The following GGT7 variants were observed in gnomAD, a reference collection of about 807,000 sequenced individuals.
GGT7 encodes the protein glutathione hydrolase 7.
Under a neutral mutation model 69.2 loss-of-function variants are expected in GGT7, and 30 were observed. The ratio of observed to expected loss-of-function variants is 0.43; its 90% CI spans 0.32 to 0.59. The LOEUF (loss-of-function observed/expected upper bound fraction) is 0.59. GGT7 is among the 20% of genes least tolerant of loss of function. The pLI is 0.05. For missense variants in GGT7, 733 were observed against 901.1 expected, an observed-to-expected ratio of 0.81 and a Z score of 2.39; for synonymous variants, 388 against 391.8, an observed-to-expected ratio of 0.99 and a Z score of 0.12.
intron 6 of GGT7, 45 bp from the exon 7 acceptor site, chr20:34,859,684 T>C (rs767011366): frequency 6.8e-7 from 1 of 1,466,796 alleles, no homozygotes; most frequent in Admixed American, 2.1e-5. Flanking sequence ...ACGCCAGGAC[T>C]GGACCGGATG....
chr20:34,854,149 C>G (rs996847070), intron 10 of GGT7, among the ~76,000 whole-genome samples: 1 of 152,178 alleles, frequency 6.6e-6, no homozygotes, highest in Non-Finnish European at 1.5e-5. Flanking sequence ...GTTGGTCAGG[C>G]TGGTCTCAAA....
At chr20:34,871,890 G>A (rs79116438) in intron 1 of GGT7, among the ~76,000 whole-genome samples, 133 of 152,230 alleles carry the variant, frequency 8.7e-4, no homozygotes, top group Non-Finnish European at 1.6e-3. Flanking sequence ...AGAGCTCTTT[G>A]CCCCCAGGTC....
chr20:34,848,611 T>C (rs1479747616), intron 14 of GGT7, among the ~76,000 whole-genome samples: 2 of 152,238 alleles, frequency 1.3e-5, no homozygotes, highest in South Asian at 2.1e-4. Flanking sequence ...CAGGATGTGA[T>C]TGTTGAAGAT....
In GGT7 at chr20:34,854,839, G is replaced by C; in HGVS notation, c.1187C>G (p.Thr396Ser). ...ALNILEGFNL[T>S]SLVSREQALH... The stretch of plus-strand genomic sequence containing the variant: ...AGCCTGTTCTCGGGATACCAGGCTG[G>C]TGAGATTGAAGCCCTCCAGGATGTT... The change falls in exon 9 of 15, where the codon ACC becomes AGC. Residue 396 changes from threonine (T) to serine (S), a missense_variant. By Grantham distance (58) the Thr-to-Ser change is moderately conservative. Transcript: ENST00000336431. 6.2e-7 allele frequency: 1 copy of C among 1,614,142 alleles called. No homozygotes were observed. The highest frequency in any genetic ancestry group is 8.5e-7 in the Non-Finnish European group (1 of 1,179,970).
chr20:34,861,071 C>G lies in GGT7; in HGVS notation c.675+374G>C, dbSNP rs117344889. 7.7e-3 allele frequency among the ~76,000 whole-genome samples: 1,168 copies of G among 152,298 alleles called. 12 individuals carry two copies. The highest frequency in any genetic ancestry group is 0.013 in the Non-Finnish European group (891 of 68,034). On this transcript the variant is annotated intron_variant, in intron 4 of 14. Coordinates refer to ENST00000336431, the MANE Select transcript of GGT7 (RefSeq NM_178026.3). ...GATATCTTCTTTTTCTTTCAGCAGA[C>G]AGTTGGTTTACTTCTGGCAATTCCC...
chr20:34,852,524 G>A lies in GGT7; in HGVS notation c.1334C>T (p.Ala445Val). The A allele has an allele frequency of 6.3e-7, 1 of 1,584,874 alleles. No homozygotes were observed. Among genetic ancestry groups the A allele is most frequent in the Admixed American group, 1.9e-5 (1 of 52,956 alleles). ...GTCATTGATATGGCCCCGGAGGTAG[G>A]CGGCCTCCACCTTGCTGAAAAGACA... ...MDDMLSKVEA[A>V]YLRGHINDSQ... is the part of the protein sequence containing the mutation. Residue 445 changes from alanine (A) to valine (V), a missense_variant, in exon 11 of 15, where the codon GCC (alanine) becomes GTC (valine). By Grantham distance (64) the Ala-to-Val change is moderately conservative (BLOSUM62 0). Transcript: ENST00000336431.
intron 14 of GGT7, 83 bp downstream of exon 14, chr20:34,849,878 G>A: frequency 2.7e-6 from 2 of 750,258 alleles, no homozygotes; most frequent in Non-Finnish European, 4.4e-6. Flanking sequence ...GTTGGTGCTG[G>A]TTGAGGCATG....
rs3138662 is a variant in GGT7 at position 34,855,789 on chromosome 20, C to CTGTG, written c.1103-870_1103-867dup. 3.6e-3 allele frequency among the ~76,000 whole-genome samples: 519 copies of CTGTG among 144,160 alleles called. 5 individuals carry two copies. Among genetic ancestry groups the CTGTG allele is most frequent in the African/African-American group, 0.013 (480 of 38,220 alleles). 94.6% of individuals were successfully genotyped at this position (144,160 alleles called of 152,430 possible). A position where few individuals can be genotyped will look rare whatever the true frequency, so the allele number is the denominator to read the frequency against. ...CGCTACGCTTGTTCTTTTTTCTTTT[C>CTGTG]TGTGTGTGTGTGTGTGTGTGTGTGT... On this transcript the variant is annotated intron_variant, in intron 8 of 14. Transcript: ENST00000336431.
chr20:34,862,698 G>T lies in GGT7; in HGVS notation c.557+116C>A, dbSNP rs112128822. 9 of 986,072 alleles carry T rather than the reference G, an allele frequency of 9.1e-6. No homozygotes were observed. The African/African-American group carries it at 1.3e-4, about 14-fold the overall frequency. The allele number at this position is 986,072 out of a possible 1,614,324, so 61.1% of individuals were successfully genotyped here. The stretch of plus-strand genomic sequence containing the variant: ...GAAATTTGGTGTAGAAAGAGAAAAT[G>T]CAAGGAGTTGGGGCCCAAAAGCCCC... On this transcript the variant is annotated intron_variant, in intron 3 of 14. Transcript: ENST00000336431.
Position 34,863,655 on chromosome 20 carries a change from C to A in GGT7, c.170-107G>T. 1 of 787,646 alleles carries A rather than the reference C, an allele frequency of 1.3e-6. No homozygotes were observed. Among genetic ancestry groups the A allele is most frequent in the Non-Finnish European group, 2.2e-6 (1 of 449,852 alleles). The allele number at this position is 787,646 out of a possible 1,614,324, so 48.8% of individuals were successfully genotyped here. A position where few individuals can be genotyped will look rare whatever the true frequency, so the allele number is the denominator to read the frequency against. On this transcript the variant is annotated intron_variant, in intron 1 of 14. Transcript: ENST00000336431. This position sits in a 1 kb window ranked among gnomAD's most constrained non-coding sequence, Gnocchi z 4.4. ...CCCTGCCCCGCCCCTGCCACACAAT[C>A]CCCGCACTGGCTAGCACTACTCACC...
chr20:34,856,201 T>C (rs2079489019), intron 8 of GGT7, among the ~76,000 whole-genome samples: 2 of 152,204 alleles, frequency 1.3e-5, no homozygotes, highest in African/African-American at 2.4e-5. Context: ...TGGGGCTTGA[T>C]GTGATCTGGC....
chr20:34,846,452 C>T (rs1393581424), intron 14 of GGT7, among the ~76,000 whole-genome samples: 2 of 151,844 alleles, frequency 1.3e-5, no homozygotes, highest in Non-Finnish European at 2.9e-5. Flanking sequence ...AACAGGCTTG[C>T]GCCACCACAC....
intron 1 of GGT7, among the ~76,000 whole-genome samples, chr20:34,866,629 G>C (rs951567345): frequency 1.3e-5 from 2 of 151,646 alleles, no homozygotes; most frequent in African/African-American, 4.9e-5. Flanking sequence ...GCCCAGGCTG[G>C]AGTGCAGTGG....
At chr20:34,866,328 G>C (rs929199536) in intron 1 of GGT7, among the ~76,000 whole-genome samples, 9 of 152,042 alleles carry the variant, frequency 5.9e-5, no homozygotes, top group African/African-American at 1.9e-4. Flanking sequence ...ATGCCTGTAA[G>C]CCCAGCTATT....
intron 7 of GGT7, among the ~76,000 whole-genome samples, chr20:34,857,532 T>C (rs2079513664): frequency 6.6e-6 from 1 of 152,074 alleles, no homozygotes; most frequent in Non-Finnish European, 1.5e-5. Flanking sequence ...TAAATTAGCA[T>C]AACCACTCTG....
At chr20:34,856,752 T>C in intron 8 of GGT7, 54 bp downstream of exon 8, 3 of 997,984 alleles carry the variant, frequency 3.0e-6, no homozygotes, top group Non-Finnish European at 4.7e-6. Flanking sequence ...GATGTGGCCA[T>C]GGACTGGGAG....
chr20:34,855,519 A>C (rs1482900578), intron 8 of GGT7, among the ~76,000 whole-genome samples: 1 of 152,206 alleles, frequency 6.6e-6, no homozygotes, highest in Non-Finnish European at 1.5e-5. Context: ...AATCCAGAGC[A>C]CTCAAGGTAC....
chr20:34,869,381 C>T (rs1339353092), intron 1 of GGT7, among the ~76,000 whole-genome samples: 1 of 151,924 alleles, frequency 6.6e-6, no homozygotes, highest in Non-Finnish European at 1.5e-5. Flanking sequence ...CATGTTGCCC[C>T]GGCTGGTTCT....
intron 7 of GGT7, among the ~76,000 whole-genome samples, chr20:34,857,180 C>T (rs140126309): frequency 2.0e-4 from 31 of 152,308 alleles, no homozygotes; most frequent in African/African-American, 7.0e-4. Context: ...TGGCCCCAGC[C>T]TACCCCTCCC....
Sources: allele counts gnomAD v4.1 joint callset (sites outside exome capture counted in the v4.1 genomes callset), GRCh38; gene constraint gnomAD v4.1.1; non-coding constraint Gnocchi (gnomAD v3.1); transcripts MANE v1.5; gene names NCBI Gene and HGNC (gene_info 2026-07-23, HGNC 2026-07-21).